Variants in DMXL1 observed in about 807,000 individuals in gnomAD.
DMXL1 encodes the protein dmX-like protein 1.
A neutral mutation model predicts 319.2 loss-of-function variants in DMXL1; 99 were observed. The observed-to-expected ratio is 0.31, with a 90% CI of 0.26 to 0.37. The LOEUF (loss-of-function observed/expected upper bound fraction) is 0.37, where lower values mean the gene tolerates loss of function less well. Ranked by LOEUF, DMXL1 falls within the 10% of genes least tolerant of loss-of-function variation. The pLI, the probability that DMXL1 is intolerant of heterozygous loss-of-function variation, is 1.00. For missense variants in DMXL1, 3,745 were observed against 3,595.6 expected, an observed-to-expected ratio of 1.04 and a Z score of -1.06; for synonymous variants, 1,385 against 1,235.2, an observed-to-expected ratio of 1.12 and a Z score of -2.54.
Position 119,150,335 on chromosome 5 carries a change from G to A in DMXL1, c.4508G>A (p.Arg1503Gln), listed in dbSNP as rs777801081. Residue 1503 changes from arginine to glutamine, a missense_variant, in exon 18 of 44, where the codon CGG (arginine) becomes CAG (glutamine). Around this residue, in one of 4 missense-constraint regions of DMXL1, gnomAD observed 2,096 missense variants for 1,985.4 expected, o/e 1.06. Coordinates refer to ENST00000539542, the MANE Select transcript of DMXL1 (RefSeq NM_001290321.3). ...LLHSSLPGLS[R>Q]MEQMSLMALA... ...CATTCTAGTTTACCAGGACTCAGCC[G>A]GATGGAGCAGATGTCTTTGATGGCC... 2.5e-6 allele frequency: 4 copies of A among 1,613,754 alleles called. No individual in the cohort carries two copies. The highest frequency in any genetic ancestry group is 2.2e-5 in the East Asian group (1 of 44,866).
chr5:119,098,194 A>C, intron 2 of DMXL1, 90 bp downstream of exon 2: 2 of 1,438,490 alleles, frequency 1.4e-6, no homozygotes, highest in Non-Finnish European at 1.9e-6. Context: ...ATTGAATTAG[A>C]GACTTGGCTT....
In DMXL1 at chr5:119,110,212, G is replaced by T; in HGVS notation, c.426G>T (p.Lys142Asn). The T allele has an allele frequency of 6.3e-7, 1 of 1,588,402 alleles. No individual in the cohort carries two copies. The highest frequency in any genetic ancestry group is 8.5e-7 in the Non-Finnish European group (1 of 1,173,090). Residue 142 changes from lysine (K) to asparagine (N), a missense_variant, in exon 5 of 44, where the codon AAG (lysine) becomes AAT (asparagine). Physicochemically the swap from Lys to Asn is moderately conservative, Grantham distance 94. This residue lies in a region of DMXL1 where 2,096 missense variants were observed against 1,985.4 expected (regional missense o/e 1.06). Transcript: ENST00000539542. Reference protein sequence around the residue: ...LQLWSNTNLEKPTEDENLNKT... With the variant: ...LQLWSNTNLENPTEDENLNKT... ...TCTGGTCCAATACTAACTTGGAGAA[G>T]CCAACTGAAGATGAAAATTTAAATA...
chr5:119,217,018 T>G (rs1783814606), intron 35 of DMXL1, 31 bp downstream of exon 35: 3 of 1,255,574 alleles, frequency 2.4e-6, no homozygotes, highest in Middle Eastern at 1.9e-4. Flanking sequence ...CTTTTGTTTA[T>G]TAAGTATTTA....
chr5:119,153,075 C>T (rs1399689389), intron 19 of DMXL1, among the ~76,000 whole-genome samples: 1 of 151,698 alleles, frequency 6.6e-6, no homozygotes, highest in Non-Finnish European at 1.5e-5. Context: ...TTCCTGGGTT[C>T]AACTGATTCT....
At chr5:119,098,838 A>G (rs1746170790) in intron 2 of DMXL1, among the ~76,000 whole-genome samples, 1 of 152,172 alleles carries the variant, frequency 6.6e-6, no homozygotes, top group South Asian at 2.1e-4. Context: ...CTTCGCAAAT[A>G]CACTCATATG....
chr5:119,164,694 G>T lies in DMXL1; in HGVS notation c.4872+18G>T. The T allele has an allele frequency of 5.1e-6, 8 of 1,561,004 alleles. No individual in the cohort carries two copies. The highest frequency in any genetic ancestry group is 7.0e-6 in the Non-Finnish European group (8 of 1,147,142). ...TAGAAAAAGTAAGTGTTTTATTTTGGTGTATAAGTGAATTAATATTTTTTG... is the reference window on the plus strand; with the variant it reads ...TAGAAAAAGTAAGTGTTTTATTTTGTTGTATAAGTGAATTAATATTTTTTG... On this transcript the variant is annotated intron_variant, in intron 20 of 43. Transcript: ENST00000539542.
intron 9 of DMXL1, among the ~76,000 whole-genome samples, chr5:119,128,681 G>A (rs568493987): frequency 1.3e-5 from 2 of 152,272 alleles, no homozygotes; most frequent in Admixed American, 6.5e-5. Flanking sequence ...TTGATAATGT[G>A]GGAGGCTATG....
chr5:119,112,163 A>G (rs1759774950), intron 5 of DMXL1, among the ~76,000 whole-genome samples: 2 of 152,072 alleles, frequency 1.3e-5, no homozygotes, highest in African/African-American at 2.4e-5. Flanking sequence ...AGGTTTCACC[A>G]TGTTAGCCAT....
chr5:119,197,940 A>G lies in DMXL1; in HGVS notation c.7729A>G (p.Thr2577Ala). The change falls in exon 32 of 44, where the codon ACA becomes GCA. Residue 2577 changes from threonine to alanine, a missense_variant. Coordinates refer to ENST00000539542, the MANE Select transcript of DMXL1 (RefSeq NM_001290321.3). The part of the protein sequence containing the change: ...ILRHKALLEP[T>A]NTPFKSKHHL... ...TCGCCACAAAGCTTTACTGGAACCT[A>G]CAAACACTCCTTTCAAGTAGGTTTT... 6.2e-7 allele frequency: 1 copy of G among 1,614,160 alleles called. No homozygotes were observed.
chr5:119,151,887 ATT>A (rs201870724), intron 18 of DMXL1, 40 bp from the exon 19 acceptor site: 2 of 1,256,988 alleles, frequency 1.6e-6, no homozygotes, highest in African/African-American at 1.5e-5. Context: ...TTTGCTTACA[ATT>A]TTTTTTTTAA....
chr5:119,245,555 T>C (rs1222302717), intron 43 of DMXL1, among the ~76,000 whole-genome samples: 2 of 151,418 alleles, frequency 1.3e-5, no homozygotes, highest in Non-Finnish European at 2.9e-5. Context: ...TTTTTTTTTT[T>C]TTTGAGACGG....
chr5:119,106,263 A>G (rs532782806), intron 4 of DMXL1, among the ~76,000 whole-genome samples: 3 of 152,192 alleles, frequency 2.0e-5, no homozygotes, highest in Non-Finnish European at 4.4e-5. Flanking sequence ...TAGAAGCTGC[A>G]AGGAAGTCCC....
intron 19 of DMXL1, among the ~76,000 whole-genome samples, chr5:119,163,532 T>C (rs1772718955): frequency 6.6e-6 from 1 of 152,214 alleles, no homozygotes; most frequent in African/African-American, 2.4e-5. Flanking sequence ...TTTTTCTGCC[T>C]CAGCTTCTTG....
chr5:119,158,566 T>C (rs1281962560), intron 19 of DMXL1, among the ~76,000 whole-genome samples: 1 of 152,232 alleles, frequency 6.6e-6, no homozygotes, highest in Non-Finnish European at 1.5e-5. Flanking sequence ...CTTTCTGATC[T>C]TAGAGGAAAA....
Position 119,147,324 on chromosome 5 carries a change from T to C in DMXL1, c.2765T>C (p.Ile922Thr). 1 of 1,613,516 alleles carries C rather than the reference T, an allele frequency of 6.2e-7. No individual in the cohort carries two copies. Among genetic ancestry groups the C allele is most frequent in the Non-Finnish European group, 8.5e-7 (1 of 1,179,656 alleles). ...CATTATTCTTCTTCTCCAGAGAAGA[T>C]CCTATCTCCTTTTTCACAAAAGTAT... ...EEHYSSSPEK[I>T]LSPFSQKYQA... The change falls in exon 17 of 44, where the codon ATC becomes ACC. Residue 922 changes from isoleucine (I) to threonine (T), a missense_variant. Ile to Thr is a moderately conservative substitution (Grantham distance 89). This residue lies in a region of DMXL1 where 2,096 missense variants were observed against 1,985.4 expected (regional missense o/e 1.06). Transcript: ENST00000539542.
At chr5:119,246,107 G>A (rs755743526) in intron 43 of DMXL1, among the ~76,000 whole-genome samples, 4 of 152,106 alleles carry the variant, frequency 2.6e-5, no homozygotes, top group Non-Finnish European at 4.4e-5. Context: ...GTAAAGATGC[G>A]TATAATTTGC....
chr5:119,244,444 T>C lies in DMXL1; in HGVS notation c.8790T>C (p.Phe2930=). 1 of 1,614,198 alleles carries C rather than the reference T, an allele frequency of 6.2e-7. No individual in the cohort carries two copies. Among genetic ancestry groups the C allele is most frequent in the South Asian group, 1.1e-5 (1 of 91,086 alleles). The change falls in exon 43 of 44, where the codon TTT becomes TTC. Residue 2930 remains phenylalanine (F), a synonymous_variant. Transcript: ENST00000539542. ...TAATATCAGGTGGCAGAAAAGGTTT[T>C]ACATATGTATTTGACCTTTGTCAAC... ...QLLISGGRKG[F]TYVFDLCQRQ...
chr5:119,134,420 A>G (rs752994892), intron 13 of DMXL1, 31 bp downstream of exon 13: 10 of 1,539,966 alleles, frequency 6.5e-6, no homozygotes, highest in South Asian at 2.4e-5. Context: ...CAGCTTAAGT[A>G]TATAATATTA....
rs776684107 is a variant in DMXL1 at position 119,196,411 on chromosome 5, A to C, written c.7498A>C (p.Asn2500His). 8 of 1,613,908 alleles carry C rather than the reference A, an allele frequency of 5.0e-6. No homozygotes were observed. Among genetic ancestry groups the C allele is most frequent in the Non-Finnish European group, 5.9e-6 (7 of 1,179,888 alleles). ...MRLAMVQLVL[N>H]NLKTFYPFAG... Reference sequence around the variant, plus strand: ...GTTGGCGATGGTGCAATTGGTGCTCAACAATTTGAAGACTTTTTATCCCTT... The same window carrying C: ...GTTGGCGATGGTGCAATTGGTGCTCCACAATTTGAAGACTTTTTATCCCTT... The change falls in exon 31 of 44, where the codon AAC (asparagine) becomes CAC (histidine). Residue 2500 changes from asparagine to histidine, a missense_variant. Physicochemically the swap from Asn to His is moderately conservative, Grantham distance 68. Transcript: ENST00000539542.
Sources: gnomAD v4.1 joint callset for allele counts (sites outside exome capture counted in the v4.1 genomes callset) on GRCh38, gnomAD v4.1.1 for gene constraint, gnomAD v4.1.1 regional missense constraint, MANE v1.5 for transcripts, NCBI Gene and HGNC (gene_info 2026-07-23, HGNC 2026-07-21) for gene names.